CASC3: variants seen among roughly 807,000 people sequenced by gnomAD.
CASC3 encodes the protein protein CASC3.
CASC3 carries 30 observed loss-of-function variants against 80.5 expected under a neutral mutation model. The observed-to-expected ratio is 0.37, with a 90% CI of 0.28 to 0.51. The LOEUF (loss-of-function observed/expected upper bound fraction) is 0.51, where lower values mean the gene tolerates loss of function less well. Ranked by LOEUF, CASC3 falls within the 20% of genes least tolerant of loss-of-function variation. The pLI is 0.94. For synonymous variants in CASC3, 312 were observed against 333.6 expected (o/e 0.94, Z 0.70); for missense variants, 824 against 922.2 (o/e 0.89, Z 1.38).
intron 8 of CASC3, 97 bp downstream of exon 8, chr17:40,166,958 T>C (rs755907233): frequency 5.7e-6 from 5 of 879,108 alleles, no homozygotes; most frequent in Non-Finnish European, 8.6e-6. Flanking sequence ...TTTTTTCTTT[T>C]CTTTCTTTCT....
At chr17:40,153,283 G>A (rs533875147) in intron 3 of CASC3, among the ~76,000 whole-genome samples, 2 of 152,132 alleles carry the variant, frequency 1.3e-5, no homozygotes, top group South Asian at 2.1e-4. Flanking sequence ...GCATAGTTCC[G>A]TCTAGGTTCA....
At chr17:40,168,080 G>A in intron 10 of CASC3, 123 bp from the exon 11 acceptor site, 1 of 1,270,344 alleles carries the variant, frequency 7.9e-7, no homozygotes, top group African/African-American at 1.5e-5. Flanking sequence ...TGGGCAACAA[G>A]TTCCTCTTGT....
At chr17:40,141,407 TTA>T in intron 2 of CASC3, 161 bp from the exon 3 acceptor site, 1 of 833,564 alleles carries the variant, frequency 1.2e-6, no homozygotes. Flanking sequence ...CTTCAGCAAG[TTA>T]CCCTCTGAGC....
chr17:40,166,658 A>G (rs757504689), intron 7 of CASC3, 139 bp from the exon 8 acceptor site: 6 of 539,424 alleles, frequency 1.1e-5, no homozygotes, highest in African/African-American at 4.0e-5. Context: ...GAAAGCAGAG[A>G]TAGTTTATAG....
In CASC3 at chr17:40,161,495, A is replaced by C. The variant is rs1989296769; in HGVS notation, c.298-258A>C. On this transcript the variant is annotated intron_variant, in intron 3 of 13. Coordinates refer to ENST00000264645, the MANE Select transcript of CASC3 (RefSeq NM_007359.5). ...GGAGTTCAAGACCAGCCTGGCCAACATGGTGAAACCTGGTCTCTACTAAAC... is the reference window on the plus strand; with the variant it reads ...GGAGTTCAAGACCAGCCTGGCCAACCTGGTGAAACCTGGTCTCTACTAAAC... Among the ~76,000 whole-genome samples the C allele has an allele frequency of 2.0e-5, 3 of 152,150 alleles. No homozygotes were observed. The South Asian group carries it at 6.2e-4, about 32-fold the overall frequency.
chr17:40,166,942 T>C, intron 8 of CASC3, 81 bp downstream of exon 8: 2 of 378,710 alleles, frequency 5.3e-6, no homozygotes, highest in South Asian at 5.2e-5. Flanking sequence ...AGATAAGGTC[T>C]TTTTTTTTTT....
chr17:40,148,000 TTGTC>T (rs755434475), intron 3 of CASC3, among the ~76,000 whole-genome samples: 13 of 152,232 alleles, frequency 8.5e-5, no homozygotes, highest in Non-Finnish European at 1.8e-4. Context: ...CATGCTTTCA[TTGTC>T]TGTAGGAATG....
intron 3 of CASC3, among the ~76,000 whole-genome samples, chr17:40,150,208 C>T (rs770308264): frequency 1.4e-4 from 22 of 152,072 alleles, no homozygotes; most frequent in Middle Eastern, 3.4e-3. Flanking sequence ...AAGTGAGACC[C>T]TCTCTCTACA....
chr17:40,170,010 C>A (rs1435746511), intron 13 of CASC3, among the ~76,000 whole-genome samples: 1 of 152,034 alleles, frequency 6.6e-6, no homozygotes, highest in Admixed American at 6.6e-5. Flanking sequence ...CCTGCCTTGG[C>A]CTCCCAAAGT....
chr17:40,145,757 A>AT lies in CASC3; in HGVS notation c.297+4156dup, dbSNP rs1397711422. 4.6e-5 allele frequency among the ~76,000 whole-genome samples: 7 copies of AT among 151,822 alleles called. No individual in the cohort carries two copies. The East Asian group carries it at 1.2e-3, about 25-fold the overall frequency. ...GTGATGCGATTGGATTTATTTATTC[A>AT]TTTTTTAAAAATTTTTATTTACTGT... On this transcript the variant is annotated intron_variant, in intron 3 of 13. Coordinates refer to ENST00000264645, the MANE Select transcript of CASC3 (RefSeq NM_007359.5).
chr17:40,141,293 A>G lies in CASC3; in HGVS notation c.259+59A>G, dbSNP rs549313761. On this transcript the variant is annotated intron_variant, in intron 2 of 13. Transcript: ENST00000264645. ...GTTTTTTTTAACATAAACTCAGGTCATCTATTTCCAACATCGACATTCTCA... is the reference window on the plus strand; with the variant it reads ...GTTTTTTTTAACATAAACTCAGGTCGTCTATTTCCAACATCGACATTCTCA... 18 of 1,478,162 alleles carry G rather than the reference A, an allele frequency of 1.2e-5. No homozygotes were observed. In the Admixed American group the frequency reaches 2.4e-4, roughly 19 times the overall value. 91.6% of individuals were successfully genotyped at this position (1,478,162 alleles called of 1,614,324 possible).
chr17:40,142,923 T>TA (rs1426381557), intron 3 of CASC3, among the ~76,000 whole-genome samples: 1 of 149,332 alleles, frequency 6.7e-6, no homozygotes, highest in Non-Finnish European at 1.5e-5. Flanking sequence ...CCATCTCTAC[T>TA]AAAAAATACA....
chr17:40,140,768 G>A lies in CASC3; in HGVS notation c.220G>A (p.Glu74Lys). 12 of 1,403,270 alleles carry A rather than the reference G, an allele frequency of 8.6e-6. No individual in the cohort carries two copies. The highest frequency in any genetic ancestry group is 1.5e-5 in the African/African-American group (1 of 67,388). The allele number at this position is 1,403,270 out of a possible 1,614,324, so 86.9% of individuals were successfully genotyped here. The change falls in exon 1 of 14, where the codon GAG (glutamate) becomes AAG (lysine). Residue 74 changes from glutamate to lysine, a missense_variant. Physicochemically the swap from Glu to Lys is moderately conservative, Grantham distance 56. Around this residue, in one of 3 missense-constraint regions of CASC3, gnomAD observed 159 missense variants for 122.2 expected, o/e 1.30. Transcript: ENST00000264645. Reference protein sequence around the residue: ...VESGGAKSAEESECESEDGIE... With the variant: ...VESGGAKSAEKSECESEDGIE... ...GAGCGGGGGCGCCAAGAGTGCTGAG[G>A]AGTCGGAGTGTGTGAGTGCGCGCAG...
At chr17:40,151,635 A>C (rs1989011110) in intron 3 of CASC3, among the ~76,000 whole-genome samples, 1 of 149,010 alleles carries the variant, frequency 6.7e-6, no homozygotes, top group Non-Finnish European at 1.5e-5. Flanking sequence ...TCAAGGCTGC[A>C]GGGAGCTGTG....
intron 3 of CASC3, among the ~76,000 whole-genome samples, chr17:40,154,925 T>A (rs1465911621): frequency 6.6e-6 from 1 of 152,202 alleles, no homozygotes; most frequent in East Asian, 1.9e-4. Context: ...AGTCTCGCTC[T>A]TTCACCCAGG....
intron 11 of CASC3, chr17:40,168,782 G>A (rs950331911): frequency 1.5e-5 from 4 of 264,856 alleles, no homozygotes; most frequent in African/African-American, 6.9e-5. Flanking sequence ...TAGAGATGGC[G>A]TTTCACCATG....
At chr17:40,151,190 G>A (rs989077380) in intron 3 of CASC3, among the ~76,000 whole-genome samples, 2 of 151,966 alleles carry the variant, frequency 1.3e-5, no homozygotes, top group Admixed American at 6.6e-5. Context: ...GCAACATAGT[G>A]AGACCTCATC....
chr17:40,160,412 T>C (rs1373686234), intron 3 of CASC3, among the ~76,000 whole-genome samples: 1 of 152,086 alleles, frequency 6.6e-6, no homozygotes, highest in African/African-American at 2.4e-5. Context: ...GGAGGATCAC[T>C]TGAGCCCAGG....
chr17:40,141,439 T>C, intron 2 of CASC3, 131 bp from the exon 3 acceptor site: 1 of 871,118 alleles, frequency 1.1e-6, no homozygotes, highest in Non-Finnish European at 1.9e-6. Flanking sequence ...CTTTTGTAAG[T>C]GGGGACTATA....
Sources: allele counts gnomAD v4.1 joint callset (sites outside exome capture counted in the v4.1 genomes callset), GRCh38; gene constraint gnomAD v4.1.1; regional missense constraint gnomAD v4.1.1; transcripts MANE v1.5; gene names NCBI Gene and HGNC (gene_info 2026-07-23, HGNC 2026-07-21).